Variants in TCF4 observed in about 807,000 individuals in gnomAD.
The protein encoded by TCF4 is transcription factor 4, also known as SL3-3 enhancer factor 2.
A neutral mutation model predicts 82.1 loss-of-function variants in TCF4; 3 were observed. The observed-to-expected ratio is 0.04, with a 90% CI of 0.02 to 0.09. TCF4 has a LOEUF of 0.09. TCF4 is among the 10% of genes least tolerant of loss of function. The pLI is 1.00. For synonymous variants in TCF4, 276 were observed against 309.6 expected, an observed-to-expected ratio of 0.89 and a Z score of 1.14; for missense variants, 518 against 852.7, an observed-to-expected ratio of 0.61 and a Z score of 4.89.
chr18:55,326,783 A>C (rs765138940), intron 8 of TCF4, among the ~76,000 whole-genome samples: 3 of 152,190 alleles, frequency 2.0e-5, no homozygotes, highest in Non-Finnish European at 4.4e-5. Context: ...TCCTAACAAA[A>C]AATTTAATTC....
Position 55,222,796 on chromosome 18 carries a change from A to G in TCF4, c.*5239T>C, listed in dbSNP as rs904348325. 1.3e-5 allele frequency: 2 copies of G among 152,678 alleles called. No homozygotes were observed. Among genetic ancestry groups the G allele is most frequent in the African/African-American group, 2.4e-5 (1 of 41,466 alleles). The allele number at this position is 152,678 out of a possible 1,614,324, so 9.5% of individuals were successfully genotyped here. ...ATTAACTTACAGTACATAACACTGAATAATTTTAATCTGTACATTTTTTTC... is the reference window on the plus strand; with the variant it reads ...ATTAACTTACAGTACATAACACTGAGTAATTTTAATCTGTACATTTTTTTC... On this transcript the variant is annotated 3_prime_UTR_variant, in exon 20 of 20. Coordinates refer to ENST00000354452, the MANE Select transcript of TCF4 (RefSeq NM_001083962.2).
chr18:55,460,251 A>C (rs2095847218), intron 5 of TCF4, among the ~76,000 whole-genome samples: 1 of 152,136 alleles, frequency 6.6e-6, no homozygotes, highest in South Asian at 2.1e-4. Flanking sequence ...TTACTAGAAC[A>C]AAGATCTTTT....
intron 8 of TCF4, among the ~76,000 whole-genome samples, chr18:55,301,079 C>T (rs1190892255): frequency 6.6e-6 from 1 of 152,170 alleles, no homozygotes; most frequent in East Asian, 1.9e-4. Flanking sequence ...TCTTCCTCCC[C>T]TCCCACCAGT....
chr18:55,304,297 C>T (rs1168177674), intron 8 of TCF4, among the ~76,000 whole-genome samples: 1 of 151,930 alleles, frequency 6.6e-6, no homozygotes, highest in Admixed American at 6.6e-5. Context: ...AAAACATAAA[C>T]AAAAATATAG....
chr18:55,363,556 C>T (rs912307580), intron 6 of TCF4, among the ~76,000 whole-genome samples: 5 of 152,172 alleles, frequency 3.3e-5, no homozygotes, highest in African/African-American at 1.2e-4. Context: ...GTAATCTCAG[C>T]ACTTTGGGAG....
intron 6 of TCF4, among the ~76,000 whole-genome samples, chr18:55,360,038 G>T (rs1197929803): frequency 6.6e-6 from 1 of 152,212 alleles, no homozygotes; most frequent in Non-Finnish European, 1.5e-5. Flanking sequence ...TGCAAGCCCT[G>T]CCCAGGAGAA....
At position 55,502,030 on chromosome 18, in the gene TCF4, T is replaced by G. The variant is rs1037266200; in HGVS notation, c.146-37893A>C. Among the ~76,000 whole-genome samples, 4 of 152,198 alleles carry G rather than the reference T, an allele frequency of 2.6e-5. No homozygotes were observed. The East Asian group carries it at 7.7e-4, about 29-fold the overall frequency. On this transcript the variant is annotated intron_variant, in intron 3 of 19. Transcript: ENST00000354452. ...GAATATTTGTTCTAAATTAATTGTTTCTCTCAGCAATTCTCATATGAATTT... is the reference window on the plus strand; with the variant it reads ...GAATATTTGTTCTAAATTAATTGTTGCTCTCAGCAATTCTCATATGAATTT...
At chr18:55,592,016 GT>G (rs1309429904), upstream of TCF4, among the ~76,000 whole-genome samples, 2 of 152,000 alleles carry the variant, frequency 1.3e-5, no homozygotes, top group East Asian at 3.9e-4. Flanking sequence ...TTTTGTTTTT[GT>G]TTTTCCTTAA....
At chr18:55,236,759 A>G (rs558866360) in intron 15 of TCF4, among the ~76,000 whole-genome samples, 4 of 152,170 alleles carry the variant, frequency 2.6e-5, no homozygotes, top group Non-Finnish European at 5.9e-5. Context: ...GTGGCTCTTT[A>G]TGTCTGTCAA....
At chr18:55,242,034 C>G (rs1438578893) in intron 15 of TCF4, among the ~76,000 whole-genome samples, 1 of 152,208 alleles carries the variant, frequency 6.6e-6, no homozygotes, top group Admixed American at 6.5e-5. Context: ...ACGCCCACAT[C>G]ACTAAGGCTT....
intron 6 of TCF4, among the ~76,000 whole-genome samples, chr18:55,362,718 T>C (rs115102330): frequency 0.013 from 2,035 of 152,332 alleles, 66 homozygotes; most frequent in African/African-American, 0.045. Flanking sequence ...TAAGTTTCCT[T>C]AGAGTAATTG....
intron 8 of TCF4, among the ~76,000 whole-genome samples, chr18:55,286,381 G>A (rs554727603): frequency 8.0e-5 from 12 of 149,124 alleles, no homozygotes; most frequent in Admixed American, 1.3e-4. Context: ...GCCTCTTGGC[G>A]TCATCTTTTT....
chr18:55,314,778 T>C (rs530491664), intron 8 of TCF4, among the ~76,000 whole-genome samples: 2 of 152,080 alleles, frequency 1.3e-5, no homozygotes, highest in East Asian at 3.9e-4. Context: ...GGATAAACTT[T>C]ATTGGGCTAC....
upstream of TCF4, chr18:55,588,387 GC>G (rs1169415096): frequency 1.3e-6 from 2 of 1,529,134 alleles, no homozygotes; most frequent in African/African-American, 2.8e-5. Flanking sequence ...CATCCCCCTC[GC>G]ACCCACCCCG....
intron 8 of TCF4, among the ~76,000 whole-genome samples, chr18:55,280,276 G>A (rs58717130): frequency 6.6e-6 from 1 of 152,130 alleles, no homozygotes. Flanking sequence ...TGTGTGCATA[G>A]GAAGCGGGAG....
intron 5 of TCF4, among the ~76,000 whole-genome samples, chr18:55,428,619 T>C (rs2095075265): frequency 6.6e-6 from 1 of 152,258 alleles, no homozygotes; most frequent in Admixed American, 6.5e-5. Context: ...GAATCTCCTA[T>C]TTCTTAGCTT....
intron 3 of TCF4, among the ~76,000 whole-genome samples, chr18:55,549,041 C>T (rs1027715578): frequency 1.3e-5 from 2 of 152,138 alleles, no homozygotes; most frequent in African/African-American, 4.8e-5. Context: ...TGGTTCACAC[C>T]TGTAATCTCA....
chr18:55,349,679 G>A (rs1014461056), intron 8 of TCF4, among the ~76,000 whole-genome samples: 4 of 150,978 alleles, frequency 2.6e-5, no homozygotes, highest in African/African-American at 9.7e-5. Flanking sequence ...ATCTAGGAAC[G>A]TAAGAATTCA....
chr18:55,279,794 G>C, intron 8 of TCF4, 138 bp from the exon 9 acceptor site: 1 of 1,372,946 alleles, frequency 7.3e-7, no homozygotes, highest in Non-Finnish European at 9.8e-7. Context: ...CCTAGAAACA[G>C]TGCCCTTTCC....
Sources: gnomAD v4.1 joint callset for allele counts (sites outside exome capture counted in the v4.1 genomes callset) on GRCh38, gnomAD v4.1.1 for gene constraint, MANE v1.5 for transcripts, NCBI Gene and HGNC (gene_info 2026-07-23, HGNC 2026-07-21) for gene names.